The following ARHGAP42 variants were observed in gnomAD, a reference collection of about 807,000 sequenced individuals.
ARHGAP42 encodes Rho GTPase activating protein 42, also known as rho GTPase-activating protein 42.
In ARHGAP42, 63 loss-of-function variants were observed where a neutral mutation model predicts 125.0. The observed-to-expected ratio is 0.50, with a 90% CI of 0.41 to 0.62. The LOEUF (loss-of-function observed/expected upper bound fraction) is 0.62. Among genes scored for constraint, ARHGAP42 ranks in the 20% least tolerant of loss-of-function variants. The pLI is 0.00. For missense variants in ARHGAP42, 766 were observed against 1,024.2 expected (o/e 0.75, Z 3.44); for synonymous variants, 339 against 351.0 (o/e 0.97, Z 0.38).
chr11:100,925,865 G>A (rs977428957), intron 6 of ARHGAP42, among the ~76,000 whole-genome samples: 9 of 152,222 alleles, frequency 5.9e-5, no homozygotes, highest in Non-Finnish European at 1.3e-4. Context: ...GTACGCAAGT[G>A]TAGGTCTATG....
chr11:100,971,296 A>T (rs1038356577), intron 17 of ARHGAP42, among the ~76,000 whole-genome samples: 1 of 152,002 alleles, frequency 6.6e-6, no homozygotes, highest in African/African-American at 2.4e-5. Context: ...CTTATGTTCT[A>T]CCATTTCCAT....
intron 4 of ARHGAP42, among the ~76,000 whole-genome samples, chr11:100,886,057 A>G (rs374469012): frequency 9.2e-5 from 14 of 152,330 alleles, no homozygotes; most frequent in Middle Eastern, 3.4e-3. Context: ...GACCCTGAGA[A>G]GCCTATGGTC....
intron 3 of ARHGAP42, chr11:100,840,702 A>T (rs765876250): frequency 6.6e-6 from 1 of 152,184 alleles, no homozygotes; most frequent in Non-Finnish European, 1.5e-5. Flanking sequence ...TTAGCATTCC[A>T]ATATTTTTAT....
chr11:100,792,920 T>TA (rs1447985095), intron 2 of ARHGAP42, among the ~76,000 whole-genome samples: 3 of 151,740 alleles, frequency 2.0e-5, no homozygotes, highest in African/African-American at 7.3e-5. Flanking sequence ...GCCCTGCTAA[T>TA]TTTTTTTGTA....
intron 2 of ARHGAP42, among the ~76,000 whole-genome samples, chr11:100,793,715 T>A (rs190563355): frequency 1.8e-4 from 28 of 152,332 alleles, no homozygotes; most frequent in Admixed American, 1.8e-3. Context: ...TTACTAAACT[T>A]CTGGTCTCAC....
chr11:100,774,213 T>C (rs117654657), intron 2 of ARHGAP42, among the ~76,000 whole-genome samples: 4,861 of 152,302 alleles, frequency 0.032, 111 homozygotes, highest in Non-Finnish European at 0.048. Flanking sequence ...CACCAAGCTG[T>C]TCTACAAAGG....
chr11:100,793,045 C>T (rs541019927), intron 2 of ARHGAP42, among the ~76,000 whole-genome samples: 103 of 152,234 alleles, frequency 6.8e-4, no homozygotes, highest in African/African-American at 2.3e-3. Context: ...TGAGCCACCG[C>T]GCCCAGCCAG....
At chr11:100,965,150 A>C (rs1858058126) in intron 16 of ARHGAP42, among the ~76,000 whole-genome samples, 1 of 152,074 alleles carries the variant, frequency 6.6e-6, no homozygotes, top group African/African-American at 2.4e-5. Flanking sequence ...AGAACAGCAT[A>C]GGGTAACCGC....
At chr11:100,724,945 T>C (rs997345438) in intron 1 of ARHGAP42, among the ~76,000 whole-genome samples, 2 of 152,094 alleles carry the variant, frequency 1.3e-5, no homozygotes, top group Admixed American at 6.5e-5. Flanking sequence ...GCTTTTCTAC[T>C]ATATGCATTT....
rs572912364 is a variant in ARHGAP42 at position 100,735,896 on chromosome 11, G to A, written c.155-34447G>A. Among the ~76,000 whole-genome samples, 17 of 152,278 alleles carry A rather than the reference G, an allele frequency of 1.1e-4. No individual in the cohort carries two copies. In the East Asian group the frequency reaches 3.3e-3, roughly 29 times the overall value. Reference sequence around the variant, plus strand: ...CTCCCAAAGTGTTGGGATTACAGGCGTGAGCTACCGCGCCCAGCAGACTTG... The same window carrying A: ...CTCCCAAAGTGTTGGGATTACAGGCATGAGCTACCGCGCCCAGCAGACTTG... On this transcript the variant is annotated intron_variant, in intron 1 of 23. Coordinates refer to ENST00000298815, the MANE Select transcript of ARHGAP42 (RefSeq NM_152432.4).
chr11:100,941,571 G>A (rs1204038586), intron 8 of ARHGAP42, among the ~76,000 whole-genome samples: 1 of 148,448 alleles, frequency 6.7e-6, no homozygotes, highest in Non-Finnish European at 1.5e-5. Flanking sequence ...CAAAGTCGGT[G>A]TCAGAGCTGC....
intron 4 of ARHGAP42, among the ~76,000 whole-genome samples, chr11:100,866,153 C>A (rs1274509203): frequency 1.3e-5 from 2 of 152,178 alleles, no homozygotes; most frequent in Admixed American, 6.5e-5. Flanking sequence ...AAACTAGTTT[C>A]TTTGCTCATC....
At chr11:100,692,969 G>T (rs1446004725) in intron 1 of ARHGAP42, among the ~76,000 whole-genome samples, 1 of 152,126 alleles carries the variant, frequency 6.6e-6, no homozygotes, top group Non-Finnish European at 1.5e-5. Context: ...GACTTTGTGT[G>T]TGTGTTCAGG....
At chr11:100,712,484 G>C (rs1276331126) in intron 1 of ARHGAP42, among the ~76,000 whole-genome samples, 1 of 152,188 alleles carries the variant, frequency 6.6e-6, no homozygotes, top group Non-Finnish European at 1.5e-5. Flanking sequence ...TGTGCAAAAT[G>C]TATCAGGGTG....
At chr11:100,962,237 C>T (rs552080064) in intron 15 of ARHGAP42, among the ~76,000 whole-genome samples, 172 bp from the exon 16 acceptor site, 1 of 152,272 alleles carries the variant, frequency 6.6e-6, no homozygotes, top group Admixed American at 6.5e-5. Context: ...GGCCCCACTA[C>T]TGGAACTTTA....
At chr11:100,714,651 A>G (rs1185825158) in intron 1 of ARHGAP42, among the ~76,000 whole-genome samples, 1 of 152,176 alleles carries the variant, frequency 6.6e-6, no homozygotes, top group Non-Finnish European at 1.5e-5. Context: ...TAGCGTAGAG[A>G]TATCTGGCTA....
intron 1 of ARHGAP42, among the ~76,000 whole-genome samples, chr11:100,763,445 G>T (rs1208925522): frequency 6.6e-6 from 1 of 152,092 alleles, no homozygotes; most frequent in Non-Finnish European, 1.5e-5. Context: ...ATTCAGTGTG[G>T]CATTAGAAAG....
intron 4 of ARHGAP42, among the ~76,000 whole-genome samples, chr11:100,899,936 T>G (rs571701988): frequency 2.6e-5 from 4 of 152,314 alleles, no homozygotes; most frequent in Non-Finnish European, 5.9e-5. Flanking sequence ...TATGTGAATT[T>G]GATCCTGTCA....
intron 1 of ARHGAP42, among the ~76,000 whole-genome samples, chr11:100,714,772 A>T (rs552043071): frequency 1.3e-5 from 2 of 152,264 alleles, no homozygotes; most frequent in East Asian, 3.9e-4. Context: ...GGTAACGCCT[A>T]TAATCCCAGC....
Sources: gnomAD v4.1 joint callset for allele counts (sites outside exome capture counted in the v4.1 genomes callset) on GRCh38, gnomAD v4.1.1 for gene constraint, MANE v1.5 for transcripts, NCBI Gene and HGNC (gene_info 2026-07-23, HGNC 2026-07-21) for gene names.